BTBD9: variants seen among roughly 807,000 people sequenced by gnomAD.
BTBD9 encodes BTB/POZ domain-containing protein 9.
BTBD9 carries 49 observed loss-of-function variants against 64.3 expected under a neutral mutation model. The ratio of observed to expected loss-of-function variants is 0.76; its 90% CI spans 0.61 to 0.97. BTBD9 has a LOEUF of 0.97. Ranked by LOEUF, BTBD9 falls within the 50% of genes least tolerant of loss-of-function variation. The pLI is 0.00. For synonymous variants in BTBD9, 260 were observed against 274.7 expected (o/e 0.95, Z 0.53); for missense variants, 598 against 762.1 (o/e 0.78, Z 2.53).
intron 9 of BTBD9, among the ~76,000 whole-genome samples, chr6:38,250,810 C>T (rs1186763529): frequency 1.3e-5 from 2 of 152,128 alleles, no homozygotes; most frequent in South Asian, 2.1e-4. Context: ...AGGTGGCTCA[C>T]GCCTGTAATC....
intron 6 of BTBD9, among the ~76,000 whole-genome samples, chr6:38,434,061 A>T (rs977037168): frequency 1.3e-5 from 2 of 152,134 alleles, no homozygotes; most frequent in Middle Eastern, 3.4e-3. Flanking sequence ...CTTACTTTCC[A>T]TTCTGACTCT....
intron 7 of BTBD9, among the ~76,000 whole-genome samples, chr6:38,290,005 T>C (rs1054338701): frequency 6.6e-6 from 1 of 151,952 alleles, no homozygotes; most frequent in Non-Finnish European, 1.5e-5. Context: ...TAAATTAAAA[T>C]AGATTGGAAA....
At chr6:38,262,419 T>C (rs150717408) in intron 8 of BTBD9, among the ~76,000 whole-genome samples, 1 of 152,052 alleles carries the variant, frequency 6.6e-6, no homozygotes, top group Non-Finnish European at 1.5e-5. Flanking sequence ...GTCTCCTCCA[T>C]CTTCCCTTAT....
intron 6 of BTBD9, among the ~76,000 whole-genome samples, chr6:38,571,336 C>T (rs1775757544): frequency 1.3e-5 from 2 of 152,192 alleles, no homozygotes; most frequent in South Asian, 4.1e-4. Context: ...TGAAAGAAGA[C>T]ATATGTTATA....
chr6:38,394,792 A>G (rs1766591352), intron 6 of BTBD9, among the ~76,000 whole-genome samples: 1 of 152,204 alleles, frequency 6.6e-6, no homozygotes, highest in African/African-American at 2.4e-5. Context: ...AAAATCTGCC[A>G]ACGGCCAGTG....
chr6:38,241,886 T>C (rs1764004107), intron 9 of BTBD9, among the ~76,000 whole-genome samples: 1 of 151,854 alleles, frequency 6.6e-6, no homozygotes, highest in African/African-American at 2.4e-5. Context: ...AAGTAGGCAA[T>C]AGGAAGGAAA....
intron 7 of BTBD9, among the ~76,000 whole-genome samples, chr6:38,293,902 A>T (rs1463975144): frequency 6.6e-6 from 1 of 152,188 alleles, no homozygotes; most frequent in African/African-American, 2.4e-5. Flanking sequence ...AATGGGAGAA[A>T]ATTTTTGCAA....
chr6:38,267,207 G>A (rs192489914), intron 8 of BTBD9, among the ~76,000 whole-genome samples: 76 of 152,340 alleles, frequency 5.0e-4, no homozygotes, highest in African/African-American at 1.8e-3. Context: ...TGTTGTGAAT[G>A]TAAAAGGCCA....
chr6:38,172,729 A>G lies in BTBD9; in HGVS notation c.*2256T>C, dbSNP rs737171. 0.63 allele frequency: 95,355 copies of G among 152,372 alleles called. 31,211 individuals carry two copies. The highest frequency in any genetic ancestry group is 0.73 in the Non-Finnish European group (50,044 of 68,128). The allele number at this position is 152,372 out of a possible 1,614,324, so 9.4% of individuals were successfully genotyped here. ...TGATAAGGGGCATCTTTAAAGTGCT[A>G]GAAGACAGGAGGGACAGAGATCTGG... On this transcript the variant is annotated 3_prime_UTR_variant, in exon 11 of 11. Coordinates refer to ENST00000481247, the MANE Select transcript of BTBD9 (RefSeq NM_001099272.2).
At chr6:38,197,937 T>A (rs143625889) in intron 9 of BTBD9, among the ~76,000 whole-genome samples, 1 of 152,238 alleles carries the variant, frequency 6.6e-6, no homozygotes, top group African/African-American at 2.4e-5. Context: ...TGACAGTGAT[T>A]GTTCGCTGAG....
At chr6:38,604,645 A>C (rs1205811093) in intron 1 of BTBD9, among the ~76,000 whole-genome samples, 1 of 152,246 alleles carries the variant, frequency 6.6e-6, no homozygotes, top group Non-Finnish European at 1.5e-5. Context: ...TAGAAAGTCA[A>C]ATACTTCCAT....
At chr6:38,414,455 T>A (rs890001219) in intron 6 of BTBD9, among the ~76,000 whole-genome samples, 8 of 152,166 alleles carry the variant, frequency 5.3e-5, no homozygotes, top group Admixed American at 1.3e-4. Context: ...GAATTCATCA[T>A]TTTTCCCCCA....
At chr6:38,236,534 CTG>C (rs1488406589) in intron 9 of BTBD9, among the ~76,000 whole-genome samples, 2 of 152,180 alleles carry the variant, frequency 1.3e-5, no homozygotes, top group Non-Finnish European at 2.9e-5. Flanking sequence ...ACACGCAGGT[CTG>C]TAATGGGGGA....
At chr6:38,186,141 A>C (rs1025335417) in intron 10 of BTBD9, among the ~76,000 whole-genome samples, 2 of 152,250 alleles carry the variant, frequency 1.3e-5, no homozygotes, top group Admixed American at 6.5e-5. Flanking sequence ...GGGTCAGTCC[A>C]TCTGCCCACA....
At chr6:38,343,105 G>T (rs1307141788) in intron 7 of BTBD9, among the ~76,000 whole-genome samples, 1 of 152,210 alleles carries the variant, frequency 6.6e-6, no homozygotes, top group Non-Finnish European at 1.5e-5. Context: ...GCTCTTTGCA[G>T]TCAAACTTGT....
At chr6:38,606,161 C>T (rs939804641) in intron 1 of BTBD9, among the ~76,000 whole-genome samples, 2 of 152,152 alleles carry the variant, frequency 1.3e-5, no homozygotes, top group Admixed American at 6.5e-5. Flanking sequence ...CTGAAGGCTG[C>T]GCTGTCGGGT....
chr6:38,449,497 T>C (rs893186713), intron 6 of BTBD9, among the ~76,000 whole-genome samples: 1 of 151,450 alleles, frequency 6.6e-6, no homozygotes, highest in Non-Finnish European at 1.5e-5. Flanking sequence ...TTGACAAAAG[T>C]GGCAAGAATA....
chr6:38,598,793 T>G (rs1034138872), intron 1 of BTBD9, among the ~76,000 whole-genome samples: 4 of 152,058 alleles, frequency 2.6e-5, no homozygotes, highest in African/African-American at 9.7e-5. Flanking sequence ...GGCGCATGCC[T>G]GTAATCCCAG....
At chr6:38,230,443 C>T (rs185448897) in intron 9 of BTBD9, among the ~76,000 whole-genome samples, 65 of 137,098 alleles carry the variant, frequency 4.7e-4, no homozygotes, top group Non-Finnish European at 8.5e-4. Flanking sequence ...TGTGGTGAGC[C>T]GAGATCGTGA....
Sources: allele counts gnomAD v4.1 joint callset (sites outside exome capture counted in the v4.1 genomes callset), GRCh38; gene constraint gnomAD v4.1.1; transcripts MANE v1.5; gene names NCBI Gene and HGNC (gene_info 2026-07-23, HGNC 2026-07-21).